LARGE1: variants seen among roughly 807,000 people sequenced by gnomAD.
The protein encoded by LARGE1 is LARGE xylosyl- and glucuronyltransferase 1.
In LARGE1, 43 loss-of-function variants were observed where a neutral mutation model predicts 87.6. The observed-to-expected ratio is 0.49, with a 90% confidence interval of 0.38 to 0.63. The LOEUF (loss-of-function observed/expected upper bound fraction) is 0.63, where lower values mean the gene tolerates loss of function less well. Among genes scored for constraint, LARGE1 ranks in the 30% least tolerant of loss-of-function variants. LARGE1 has a pLI of 0.00. For synonymous variants in LARGE1, 434 were observed against 394.6 expected, an observed-to-expected ratio of 1.10 and a Z score of -1.18; for missense variants, 802 against 1,000.2, an observed-to-expected ratio of 0.80 and a Z score of 2.67.
rs979263258 is a variant in LARGE1, at chr22:33,504,647, G to A, written c.787+60201C>T. ...TCCCAGTTCTACTCATTACTAAGCC[G>A]TGTGAAATAGATCAGATGAATTTCT... On this transcript the variant is annotated intron_variant, in intron 6 of 14. Transcript: ENST00000397394. Among the ~76,000 whole-genome samples the A allele has an allele frequency of 1.6e-4, 24 of 152,304 alleles. 1 individual carries two copies. Among genetic ancestry groups the A allele is most frequent in the South Asian group, 1.2e-3 (6 of 4,830 alleles).
chr22:33,506,921 G>T (rs901238949), intron 6 of LARGE1, among the ~76,000 whole-genome samples: 1 of 152,066 alleles, frequency 6.6e-6, no homozygotes, highest in African/African-American at 2.4e-5. Flanking sequence ...AAAAACTCAG[G>T]AGAAGTATTA....
intron 6 of LARGE1, among the ~76,000 whole-genome samples, chr22:33,534,843 C>T (rs1266639594): frequency 6.6e-6 from 1 of 152,200 alleles, no homozygotes; most frequent in African/African-American, 2.4e-5. Flanking sequence ...ACTCAGTCTT[C>T]CCATGGCGCT....
chr22:33,739,988 G>A (rs1423312023), intron 2 of LARGE1, among the ~76,000 whole-genome samples: 1 of 152,174 alleles, frequency 6.6e-6, no homozygotes, highest in Non-Finnish European at 1.5e-5. Flanking sequence ...CTGAGGCACT[G>A]TGTGGTATGA....
At chr22:33,254,435 A>T (rs959478099) in intron 11 of LARGE1, among the ~76,000 whole-genome samples, 30 of 152,192 alleles carry the variant, frequency 2.0e-4, no homozygotes, top group African/African-American at 7.2e-4. Flanking sequence ...TCAGAGTTCC[A>T]TTGTCAGATA....
intron 11 of LARGE1, among the ~76,000 whole-genome samples, chr22:33,266,864 AG>A (rs1480997850): frequency 2.0e-5 from 3 of 148,968 alleles, no homozygotes; most frequent in African/African-American, 7.6e-5. Flanking sequence ...TTGGAGTCAG[AG>A]GAAAAAAAAA....
chr22:33,779,115 C>T (rs187885160), intron 1 of LARGE1, among the ~76,000 whole-genome samples: 6 of 152,182 alleles, frequency 3.9e-5, no homozygotes, highest in Non-Finnish European at 8.8e-5. Context: ...AGATGAATGC[C>T]TTTTCTTAAG....
chr22:33,571,893 G>A (rs368427069), intron 5 of LARGE1, among the ~76,000 whole-genome samples: 23 of 152,022 alleles, frequency 1.5e-4, no homozygotes, highest in African/African-American at 5.5e-4. Context: ...TTTACTGCAG[G>A]GTCAGGACTG....
At chr22:33,287,352 C>T (rs1325791648) in intron 12 of LARGE1, among the ~76,000 whole-genome samples, 3 of 152,172 alleles carry the variant, frequency 2.0e-5, no homozygotes, top group African/African-American at 7.2e-5. Context: ...GCCTTATTTC[C>T]CTCTGCATAG....
At chr22:33,638,197 T>A (rs920544877) in intron 3 of LARGE1, among the ~76,000 whole-genome samples, 1 of 152,134 alleles carries the variant, frequency 6.6e-6, no homozygotes, top group Non-Finnish European at 1.5e-5. Flanking sequence ...TTATGTAAAG[T>A]CCATGAAGAT....
intron 1 of LARGE1, among the ~76,000 whole-genome samples, chr22:33,858,458 T>A (rs2063820539): frequency 6.6e-6 from 1 of 152,244 alleles, no homozygotes; most frequent in African/African-American, 2.4e-5. Flanking sequence ...TGGGTTTATA[T>A]CCTGATCATT....
chr22:33,508,110 C>T (rs1186434088), intron 6 of LARGE1, among the ~76,000 whole-genome samples: 1 of 152,226 alleles, frequency 6.6e-6, no homozygotes, highest in African/African-American at 2.4e-5. Context: ...CTGCCAGCCT[C>T]AAAAACTTTC....
the LARGE1 span, among the ~76,000 whole-genome samples, chr22:33,097,006 T>C: frequency 6.6e-6 from 1 of 152,210 alleles, no homozygotes; most frequent in Admixed American, 6.5e-5. Flanking sequence ...CCCAGAGACT[T>C]CTTGTGCTGG....
chr22:33,372,674 G>A (rs2064856210), intron 9 of LARGE1, among the ~76,000 whole-genome samples: 1 of 152,182 alleles, frequency 6.6e-6, no homozygotes, highest in East Asian at 1.9e-4. Context: ...TTAATTGTGG[G>A]AGCTACAATT....
At chr22:33,572,696 C>T (rs927579825) in intron 5 of LARGE1, among the ~76,000 whole-genome samples, 1 of 151,758 alleles carries the variant, frequency 6.6e-6, no homozygotes, top group African/African-American at 2.4e-5. Flanking sequence ...ATGGTACAAC[C>T]CCATCTCTAC....
chr22:33,294,679 C>T (rs1261935570), intron 12 of LARGE1, among the ~76,000 whole-genome samples: 1 of 152,138 alleles, frequency 6.6e-6, no homozygotes, highest in Non-Finnish European at 1.5e-5. Flanking sequence ...TAGACTGTTT[C>T]GCTCACTGGT....
At chr22:33,731,771 A>G (rs942782488) in intron 2 of LARGE1, among the ~76,000 whole-genome samples, 1 of 152,190 alleles carries the variant, frequency 6.6e-6, no homozygotes, top group African/African-American at 2.4e-5. Context: ...TGGATTATAG[A>G]CTGTGGTAAT....
intron 9 of LARGE1, among the ~76,000 whole-genome samples, chr22:33,340,408 G>A (rs1939015607): frequency 6.6e-6 from 1 of 151,836 alleles, no homozygotes; most frequent in Non-Finnish European, 1.5e-5. Flanking sequence ...AGGGTCCAAG[G>A]GGACAGGTTG....
intron 11 of LARGE1, among the ~76,000 whole-genome samples, chr22:33,204,471 C>A (rs1000762336): frequency 4.6e-5 from 7 of 152,030 alleles, no homozygotes; most frequent in African/African-American, 1.7e-4. Flanking sequence ...TATCAGCTTC[C>A]CAATCTCAAT....
chr22:33,903,578 G>A (rs753225475), intron 1 of LARGE1, among the ~76,000 whole-genome samples: 42 of 152,168 alleles, frequency 2.8e-4, no homozygotes, highest in Non-Finnish European at 5.1e-4. Flanking sequence ...TGTAATCTCA[G>A]CACTTTGGGA....
Sources: allele counts gnomAD v4.1 joint callset (sites outside exome capture counted in the v4.1 genomes callset), GRCh38; gene constraint gnomAD v4.1.1; transcripts MANE v1.5; gene names NCBI Gene and HGNC (gene_info 2026-07-23, HGNC 2026-07-21).